Variants in ALK observed in about 807,000 individuals in gnomAD.
The protein encoded by ALK is ALK receptor tyrosine kinase.
Under a neutral mutation model 163.1 loss-of-function variants are expected in ALK, and 74 were observed. The observed-to-expected ratio is 0.45, with a 90% CI of 0.38 to 0.55. The LOEUF (loss-of-function observed/expected upper bound fraction) is 0.55. Among genes scored for constraint, ALK ranks in the 20% least tolerant of loss-of-function variants. The pLI, the probability that ALK is intolerant of heterozygous loss-of-function variation, is 0.00. For missense variants in ALK, 2,063 were observed against 2,105.3 expected (o/e 0.98, Z 0.39); for synonymous variants, 960 against 843.2 (o/e 1.14, Z -2.40).
chr2:29,877,586 C>T (rs1666756823), intron 1 of ALK, among the ~76,000 whole-genome samples: 1 of 152,194 alleles, frequency 6.6e-6, no homozygotes, highest in South Asian at 2.1e-4. Context: ...TTCATTCATT[C>T]ATTCATTCAG....
At chr2:29,741,191 G>C (rs1680049536) in intron 1 of ALK, among the ~76,000 whole-genome samples, 1 of 152,156 alleles carries the variant, frequency 6.6e-6, no homozygotes, top group African/African-American at 2.4e-5. Context: ...TAGGGGTTAG[G>C]AGTAGGGGTG....
intron 1 of ALK, among the ~76,000 whole-genome samples, chr2:29,727,089 A>G (rs1264319876): frequency 6.6e-6 from 1 of 152,196 alleles, no homozygotes; most frequent in Non-Finnish European, 1.5e-5. Flanking sequence ...TGGGTCAACC[A>G]GGAAGTCGAC....
intron 3 of ALK, among the ~76,000 whole-genome samples, chr2:29,693,294 G>A (rs558103767): frequency 6.6e-6 from 1 of 152,142 alleles, no homozygotes; most frequent in East Asian, 1.9e-4. Context: ...CAGACACGTA[G>A]TCTCCATCTC....
chr2:29,695,167 T>C (rs763768314), intron 2 of ALK, among the ~76,000 whole-genome samples, 153 bp from the exon 3 acceptor site: 3 of 152,226 alleles, frequency 2.0e-5, no homozygotes, highest in Non-Finnish European at 2.9e-5. Context: ...GGGCTCTGTA[T>C]TGGTGAAAAG....
intron 1 of ALK, among the ~76,000 whole-genome samples, chr2:29,805,029 T>C (rs1383753289): frequency 6.6e-6 from 1 of 152,204 alleles, no homozygotes. Context: ...CTATTAAATG[T>C]TTCTGAGAAA....
chr2:29,262,369 C>T (rs1558643548), intron 11 of ALK, among the ~76,000 whole-genome samples: 1 of 152,308 alleles, frequency 6.6e-6, no homozygotes, highest in East Asian at 1.9e-4. Flanking sequence ...TGTGCTTATA[C>T]ACATACATGC....
At chr2:29,387,356 C>T (rs74690918) in intron 4 of ALK, among the ~76,000 whole-genome samples, 8,439 of 152,180 alleles carry the variant, frequency 0.055, 467 homozygotes, top group African/African-American at 0.14. Flanking sequence ...GAGAAAAACA[C>T]GGACCAGCCA....
chr2:29,531,730 G>C (rs1673124167), intron 4 of ALK, among the ~76,000 whole-genome samples, 185 bp downstream of exon 4: 2 of 152,172 alleles, frequency 1.3e-5, no homozygotes, highest in African/African-American at 2.4e-5. Context: ...AGGGAAGTCA[G>C]AGGGACCCAC....
chr2:29,412,015 A>G (rs139631380), intron 4 of ALK, among the ~76,000 whole-genome samples: 281 of 152,328 alleles, frequency 1.8e-3, no homozygotes, highest in Middle Eastern at 3.4e-3. Context: ...CATCAGTGTC[A>G]TCTCAGTGTC....
intron 3 of ALK, among the ~76,000 whole-genome samples, chr2:29,606,494 G>T (rs116011448): frequency 3.0e-3 from 459 of 152,314 alleles, no homozygotes; most frequent in African/African-American, 9.7e-3. Flanking sequence ...AAGAAAAATA[G>T]CCCCTGCCAA....
intron 1 of ALK, among the ~76,000 whole-genome samples, chr2:29,852,369 T>TC (rs1262916977): frequency 6.6e-6 from 1 of 152,014 alleles, no homozygotes; most frequent in Non-Finnish European, 1.5e-5. Flanking sequence ...CCCTTCAGAC[T>TC]CAAAAAACAG....
intron 25 of ALK, among the ~76,000 whole-genome samples, chr2:29,207,768 C>T (rs1343154830): frequency 1.3e-5 from 2 of 152,184 alleles, no homozygotes; most frequent in South Asian, 2.1e-4. Context: ...GTGGATGCTG[C>T]CTCCCATGAC....
intron 1 of ALK, among the ~76,000 whole-genome samples, chr2:29,769,297 A>T (rs1488700957): frequency 1.3e-5 from 2 of 152,124 alleles, no homozygotes; most frequent in African/African-American, 2.4e-5. Flanking sequence ...TATTTTTCCC[A>T]TCAGTCTGTA....
At chr2:29,590,601 G>C (rs2148206147) in intron 3 of ALK, among the ~76,000 whole-genome samples, 1 of 152,172 alleles carries the variant, frequency 6.6e-6, no homozygotes, top group Admixed American at 6.5e-5. Context: ...TGATCATCTT[G>C]GCCTGTCTTC....
chr2:29,209,053 T>C (rs1669391647), intron 25 of ALK, among the ~76,000 whole-genome samples: 1 of 152,192 alleles, frequency 6.6e-6, no homozygotes, highest in Non-Finnish European at 1.5e-5. Context: ...AGCCAGGCCC[T>C]GCATCCTGCC....
At chr2:29,628,394 G>A (rs1573510945) in intron 3 of ALK, among the ~76,000 whole-genome samples, 1 of 152,218 alleles carries the variant, frequency 6.6e-6, no homozygotes, top group Admixed American at 6.5e-5. Flanking sequence ...TCACTCTACT[G>A]CATTTTTTTC....
chr2:29,775,354 A>G (rs1681143076), intron 1 of ALK, among the ~76,000 whole-genome samples: 1 of 152,202 alleles, frequency 6.6e-6, no homozygotes, highest in African/African-American at 2.4e-5. Flanking sequence ...AAAACACCTG[A>G]CAGTCTTGTT....
intron 3 of ALK, among the ~76,000 whole-genome samples, chr2:29,579,561 C>T (rs925780101): frequency 3.9e-5 from 6 of 152,182 alleles, no homozygotes; most frequent in Non-Finnish European, 5.9e-5. Context: ...ATGTCCTCAG[C>T]GATGTCCTCT....
intron 1 of ALK, among the ~76,000 whole-genome samples, chr2:29,911,825 T>C (rs1242725073): frequency 1.3e-5 from 2 of 152,190 alleles, no homozygotes; most frequent in African/African-American, 4.8e-5. Flanking sequence ...AATAAGATCA[T>C]CCAGATGTTG....
Sources: gnomAD v4.1 joint callset for allele counts (sites outside exome capture counted in the v4.1 genomes callset) on GRCh38, gnomAD v4.1.1 for gene constraint, MANE v1.5 for transcripts, NCBI Gene and HGNC (gene_info 2026-07-23, HGNC 2026-07-21) for gene names.